Variants in SLC26A3 observed in about 807,000 individuals in gnomAD.
SLC26A3 encodes the protein solute carrier family 26 member 3, also known as chloride anion exchanger.
Under a neutral mutation model 85.6 loss-of-function variants are expected in SLC26A3, and 64 were observed. The ratio of observed to expected loss-of-function variants is 0.75; its 90% CI spans 0.61 to 0.92. The LOEUF (loss-of-function observed/expected upper bound fraction) is 0.92. Among genes scored for constraint, SLC26A3 ranks in the 40% least tolerant of loss-of-function variants. The pLI is 0.00. For missense variants in SLC26A3, 922 were observed against 927.3 expected, an observed-to-expected ratio of 0.99 and a Z score of 0.07; for synonymous variants, 349 against 336.0, an observed-to-expected ratio of 1.04 and a Z score of -0.42.
Position 107,778,239 on chromosome 7 carries a change from G to A in SLC26A3, c.1450C>T (p.Leu484Phe). ...ACACTAGCTGCCAGGCCTAACCCGA[G>A]TCCCAGGACAATGGTGAAGATGAAG... ...MTFIFTIVLGLGLGLAASVAF... is the reference protein window; with the variant it reads ...MTFIFTIVLGFGLGLAASVAF... Residue 484 changes from leucine to phenylalanine, a missense_variant, in exon 13 of 21, where the codon CTC becomes TTC. Leu to Phe is a conservative substitution (Grantham distance 22). Coordinates refer to ENST00000340010, the MANE Select transcript of SLC26A3 (RefSeq NM_000111.3). The A allele has an allele frequency of 1.2e-6, 2 of 1,613,894 alleles. No homozygotes were observed. Among genetic ancestry groups the A allele is most frequent in the Non-Finnish European group, 1.7e-6 (2 of 1,179,912 alleles).
chr7:107,789,816 A>G, intron 5 of SLC26A3, 128 bp from the exon 6 acceptor site: 3 of 990,132 alleles, frequency 3.0e-6, no homozygotes, highest in South Asian at 3.1e-5. Context: ...GCCTTGAAGA[A>G]GCAAATGTCC....
chr7:107,778,715 C>A (rs1048799824), intron 12 of SLC26A3, among the ~76,000 whole-genome samples: 4 of 152,010 alleles, frequency 2.6e-5, no homozygotes, highest in African/African-American at 9.7e-5. Flanking sequence ...TTAGACTGGG[C>A]GTGAAGGCTC....
chr7:107,781,780 C>T (rs966526658), intron 11 of SLC26A3, among the ~76,000 whole-genome samples: 2 of 152,002 alleles, frequency 1.3e-5, no homozygotes, highest in Non-Finnish European at 2.9e-5. Flanking sequence ...CGTTCGGCTA[C>T]CAACCAACAA....
Position 107,787,116 on chromosome 7 carries a change from G to T in SLC26A3, c.889-207C>A, listed in dbSNP as rs140291305. On this transcript the variant is annotated intron_variant, in intron 7 of 20. Transcript: ENST00000340010. ...AGCTAAATTCAAATGGCTCTAACAC[G>T]ACATTTTGTCAAGGGTCTTGCTCTC... 2.2e-3 allele frequency among the ~76,000 whole-genome samples: 336 copies of T among 152,312 alleles called. 1 individual carries two copies. The highest frequency in any genetic ancestry group is 7.7e-3 in the African/African-American group (319 of 41,554).
chr7:107,767,655 G>T lies in SLC26A3; in HGVS notation c.2206-11C>A. 9 of 1,608,742 alleles carry T rather than the reference G, an allele frequency of 5.6e-6. No individual in the cohort carries two copies. The highest frequency in any genetic ancestry group is 7.7e-6 in the Non-Finnish European group (9 of 1,175,436). On this transcript the variant is annotated splice_polypyrimidine_tract_variant and intron_variant, in intron 19 of 20. Coordinates refer to ENST00000340010, the MANE Select transcript of SLC26A3 (RefSeq NM_000111.3). The stretch of plus-strand genomic sequence containing the variant: ...TTTTCCATCTTTTTCCTGAGAAAAA[G>T]AGAATGGAAATATGGATTAGGGGCT...
At position 107,767,933 on chromosome 7, in the gene SLC26A3, T is replaced by C. The variant is rs367699618; in HGVS notation, c.2063-25A>G. 1.6e-5 allele frequency: 26 copies of C among 1,611,188 alleles called. No homozygotes were observed. The African/African-American group carries it at 2.8e-4, about 17-fold the overall frequency. On this transcript the variant is annotated intron_variant, in intron 18 of 20. Transcript: ENST00000340010. ...TCTGAAGAGAAAAAAACAGTAACTT[T>C]TAGGAAGAAACAATTGTTTGGCTAC...
At chr7:107,780,935 G>A (rs1794206526) in intron 11 of SLC26A3, among the ~76,000 whole-genome samples, 1 of 152,188 alleles carries the variant, frequency 6.6e-6, no homozygotes, top group South Asian at 2.1e-4. Context: ...AGGCAAAGAA[G>A]TCAGAGGACT....
At chr7:107,782,710 CTAGTT>C (rs1584406661) in intron 11 of SLC26A3, 82 bp downstream of exon 11, 2 of 1,212,344 alleles carry the variant, frequency 1.6e-6, no homozygotes, top group Non-Finnish European at 2.5e-6. Context: ...CTCATTTCCC[CTAGTT>C]TAGTTTGTGC....
intron 8 of SLC26A3, among the ~76,000 whole-genome samples, chr7:107,785,135 A>T (rs777474671): frequency 6.6e-6 from 1 of 152,234 alleles, no homozygotes; most frequent in Non-Finnish European, 1.5e-5. Context: ...ATAGTAGTGT[A>T]ATTTGAACAT....
intron 1 of SLC26A3, among the ~76,000 whole-genome samples, chr7:107,798,929 G>A (rs2115905758): frequency 6.6e-6 from 1 of 152,300 alleles, no homozygotes; most frequent in South Asian, 2.1e-4. Context: ...GGGGGAGTGG[G>A]TGAGAGATGG....
chr7:107,794,692 T>C (rs1794467006), intron 1 of SLC26A3, 95 bp from the exon 2 acceptor site: 3 of 651,112 alleles, frequency 4.6e-6, no homozygotes, highest in Non-Finnish European at 8.1e-6. Flanking sequence ...TACCACCTTT[T>C]AAGATCAAAA....
At chr7:107,786,482 C>G (rs1037808511) in intron 8 of SLC26A3, among the ~76,000 whole-genome samples, 2 of 151,920 alleles carry the variant, frequency 1.3e-5, no homozygotes, top group African/African-American at 4.8e-5. Context: ...TATTTTTAGA[C>G]TTTCACTACT....
intron 11 of SLC26A3, among the ~76,000 whole-genome samples, chr7:107,781,842 C>T (rs1794220046): frequency 6.6e-6 from 1 of 152,114 alleles, no homozygotes; most frequent in Non-Finnish European, 1.5e-5. Context: ...TGTATCATAT[C>T]TCTATGTCTT....
Position 107,793,899 on chromosome 7 carries a change from C to T in SLC26A3, c.132-18G>A. 1.2e-6 allele frequency: 2 copies of T among 1,613,930 alleles called. No homozygotes were observed. The highest frequency in any genetic ancestry group is 1.7e-6 in the Non-Finnish European group (2 of 1,179,928). The stretch of plus-strand genomic sequence containing the variant: ...GGGAACAGCTGAAAACATGGAAAGC[C>T]ACAGGTCAGTCAATTAATATCAAAT... On this transcript the variant is annotated intron_variant, in intron 2 of 20. Coordinates refer to ENST00000340010, the MANE Select transcript of SLC26A3 (RefSeq NM_000111.3).
chr7:107,785,058 G>GA (rs1044726060), intron 8 of SLC26A3, among the ~76,000 whole-genome samples: 16 of 150,104 alleles, frequency 1.1e-4, no homozygotes, highest in East Asian at 5.8e-4. Flanking sequence ...TCATCACCCA[G>GA]AAAAAAAAAT....
chr7:107,782,632 G>A (rs1794230563), intron 11 of SLC26A3, among the ~76,000 whole-genome samples, 165 bp downstream of exon 11: 1 of 152,156 alleles, frequency 6.6e-6, no homozygotes, highest in Non-Finnish European at 1.5e-5. Context: ...ATGTTGCCAG[G>A]GAAAAAGAAA....
intron 8 of SLC26A3, among the ~76,000 whole-genome samples, chr7:107,783,759 G>A (rs1794248423): frequency 6.6e-6 from 1 of 152,142 alleles, no homozygotes; most frequent in Admixed American, 6.5e-5. Flanking sequence ...ACACAATTGT[G>A]AGACAAGGAA....
chr7:107,767,468 G>T (rs1793933587), intron 20 of SLC26A3, 111 bp downstream of exon 20: 3 of 797,054 alleles, frequency 3.8e-6, no homozygotes, highest in Non-Finnish European at 6.5e-6. Context: ...AGGCACAGAG[G>T]CTCAAGCAAG....
rs182219462 is a variant in SLC26A3 at position 107,792,431 on chromosome 7, C to T, written c.272-491G>A. On this transcript the variant is annotated intron_variant, in intron 3 of 20. Transcript: ENST00000340010. ...GTTCCCTCTGGGGGTGTTGGGAGAC[C>T]GTGACAGATCATTAGGCATTAGATT... is the stretch of plus-strand genomic sequence containing the variant. Among the ~76,000 whole-genome samples, 5 of 151,686 alleles carry T rather than the reference C, an allele frequency of 3.3e-5. No individual in the cohort carries two copies. The East Asian group carries it at 5.8e-4, about 18-fold the overall frequency.
Sources: gnomAD v4.1 joint callset for allele counts (sites outside exome capture counted in the v4.1 genomes callset) on GRCh38, gnomAD v4.1.1 for gene constraint, MANE v1.5 for transcripts, NCBI Gene and HGNC (gene_info 2026-07-23, HGNC 2026-07-21) for gene names.